Variants in MYH2 observed in about 807,000 individuals in gnomAD.
MYH2 encodes myosin-2.
A neutral mutation model predicts 228.1 loss-of-function variants in MYH2; 139 were observed. The ratio of observed to expected loss-of-function variants is 0.61; its 90% confidence interval spans 0.53 to 0.70. The LOEUF (loss-of-function observed/expected upper bound fraction) is 0.70. MYH2 is among the 30% of genes least tolerant of loss of function. The pLI is 0.00. For synonymous variants in MYH2, 796 were observed against 871.1 expected (o/e 0.91, Z 1.52); for missense variants, 1,809 against 2,357.5 (o/e 0.77, Z 4.82).
chr17:10,523,729 A>C, intron 36 of MYH2, 30 bp downstream of exon 36: 1 of 1,614,234 alleles, frequency 6.2e-7, no homozygotes, highest in Non-Finnish European at 8.5e-7. Context: ...CTTACTGCTA[A>C]ATCAGTGGAC....
At chr17:10,527,225 C>A (rs554354850) in intron 28 of MYH2, among the ~76,000 whole-genome samples, 169 bp from the exon 29 acceptor site, 3 of 152,212 alleles carry the variant, frequency 2.0e-5, no homozygotes, top group Admixed American at 6.5e-5. Flanking sequence ...TATGGTGAAA[C>A]TTTCAGATCA....
chr17:10,525,670 G>C lies in MYH2; in HGVS notation c.4371+23C>G. Reference sequence around the variant, plus strand: ...CAAAGACAAAAGAGTAGAGTAAAGAGCAGAAGATGCTGGAGGAATTACCTT... The same window carrying C: ...CAAAGACAAAAGAGTAGAGTAAAGACCAGAAGATGCTGGAGGAATTACCTT... On this transcript the variant is annotated intron_variant, in intron 31 of 39. Coordinates refer to ENST00000245503, the MANE Select transcript of MYH2 (RefSeq NM_017534.6). This position sits in a 1 kb window ranked among gnomAD's most constrained non-coding sequence, Gnocchi z 4.2. 1 of 1,614,186 alleles carries C rather than the reference G, an allele frequency of 6.2e-7. No homozygotes were observed. The highest frequency in any genetic ancestry group is 8.5e-7 in the Non-Finnish European group (1 of 1,180,044).
chr17:10,541,251 G>A (rs2073550133), intron 10 of MYH2, among the ~76,000 whole-genome samples: 1 of 152,200 alleles, frequency 6.6e-6, no homozygotes, highest in South Asian at 2.1e-4. Context: ...TCTTTCAAAA[G>A]CAAATAGAAG....
chr17:10,547,558 C>T lies in MYH2; in HGVS notation c.265G>A (p.Glu89Lys), dbSNP rs759350345. Residue 89 changes from glutamate to lysine, a missense_variant, in exon 4 of 40, where the codon GAG (glutamate) becomes AAG (lysine). Glu to Lys is a moderately conservative substitution (Grantham distance 56, BLOSUM62 1). Around this residue, in one of 9 missense-constraint regions of MYH2, gnomAD observed 373 missense variants for 620.4 expected, o/e 0.60. Coordinates refer to ENST00000245503, the MANE Select transcript of MYH2 (RefSeq NM_017534.6). Reference protein sequence around the residue: ...PMNPPKYDKIEDMAMMTHLHE... With the variant: ...PMNPPKYDKIKDMAMMTHLHE... ...AGATGAGTCATCATGGCCATATCCTCGATCTTGTCATATTTGGGAGGGTTC... is the reference window on the plus strand; with the variant it reads ...AGATGAGTCATCATGGCCATATCCTTGATCTTGTCATATTTGGGAGGGTTC... 44 of 1,613,990 alleles carry T rather than the reference C, an allele frequency of 2.7e-5. No individual in the cohort carries two copies. Among genetic ancestry groups the T allele is most frequent in the African/African-American group, 5.3e-5 (4 of 74,898 alleles).
In MYH2 at chr17:10,527,877, A is replaced by T; in HGVS notation, c.3745-3T>A. ...CGGCACATTTTCTCTAGGTTTCCCTATAGAAGAAAAAGTAAAAGAAGAAAA... is the reference window on the plus strand; with the variant it reads ...CGGCACATTTTCTCTAGGTTTCCCTTTAGAAGAAAAAGTAAAAGAAGAAAA... On this transcript the variant is annotated splice_region_variant and splice_polypyrimidine_tract_variant and intron_variant, in intron 27 of 39. Transcript: ENST00000245503. 1 of 1,612,814 alleles carries T rather than the reference A, an allele frequency of 6.2e-7. No homozygotes were observed. Among genetic ancestry groups the T allele is most frequent in the Non-Finnish European group, 8.5e-7 (1 of 1,179,972 alleles).
Position 10,524,403 on chromosome 17 carries a change from C to A in MYH2, c.5175+63G>T. 1 of 1,606,318 alleles carries A rather than the reference C, an allele frequency of 6.2e-7. No homozygotes were observed. The highest frequency in any genetic ancestry group is 8.5e-7 in the Non-Finnish European group (1 of 1,173,042). On this transcript the variant is annotated intron_variant, in intron 35 of 39. Transcript: ENST00000245503. The surrounding 1 kb of genome is among the most constrained non-coding windows in gnomAD (Gnocchi z 4.7). Reference sequence around the variant, plus strand: ...TAGGTCTAGCTGTCTTATGAAAACTCAGGCTTATCTATTCTGGGACATATA... The same window carrying A: ...TAGGTCTAGCTGTCTTATGAAAACTAAGGCTTATCTATTCTGGGACATATA...
intron 19 of MYH2, 98 bp from the exon 20 acceptor site, chr17:10,533,730 A>G: frequency 6.8e-7 from 1 of 1,468,326 alleles, no homozygotes; most frequent in East Asian, 2.3e-5. Flanking sequence ...AGCTTTAAAA[A>G]AATATTATTC....
At position 10,533,621 on chromosome 17, in the gene MYH2, A is replaced by G. The variant is rs1258863385; in HGVS notation, c.2192T>C (p.Leu731Ser). The G allele has an allele frequency of 6.2e-7, 1 of 1,614,130 alleles. No individual in the cohort carries two copies. The highest frequency in any genetic ancestry group is 1.7e-5 in the Admixed American group (1 of 60,028). ...CCCTTCAGGGATTGCACTTGCATTT[A>G]ATACCTTGTATCTGTTGAAGTACAT... ...YADFKQRYKV[L>S]NASAIPEGQF... Residue 731 changes from leucine (L) to serine (S), a missense_variant, in exon 20 of 40, where the codon TTA becomes TCA. Physicochemically the swap from Leu to Ser is moderately radical, Grantham distance 145. This residue lies in a region of MYH2 where 276 missense variants were observed against 344.2 expected (regional missense o/e 0.80). Coordinates refer to ENST00000245503, the MANE Select transcript of MYH2 (RefSeq NM_017534.6).
chr17:10,533,749 C>T, intron 19 of MYH2, 117 bp from the exon 20 acceptor site: 1 of 1,364,692 alleles, frequency 7.3e-7, no homozygotes, highest in South Asian at 1.3e-5. Flanking sequence ...TCTTTGTTCA[C>T]AAGGAGAACA....
At position 10,523,644 on chromosome 17, in the gene MYH2, A is replaced by G; in HGVS notation, c.5324T>C (p.Leu1775Pro). Residue 1775 changes from leucine to proline, a missense_variant, in exon 37 of 40, where the codon CTG becomes CCG. By Grantham distance (98) the Leu-to-Pro change is moderately conservative. Around this residue, in one of 9 missense-constraint regions of MYH2, gnomAD observed 278 missense variants for 308.5 expected, o/e 0.90. Transcript: ENST00000245503. ...ITDAAMMAEE[L>P]KKEQDTSAHL... ...GGCGCTGGTGTCCTGCTCCTTCTTC[A>G]GCTCCTCAGCCATCATGGCGGCCTA... 1 of 1,614,198 alleles carries G rather than the reference A, an allele frequency of 6.2e-7. No homozygotes were observed. The highest frequency in any genetic ancestry group is 8.5e-7 in the Non-Finnish European group (1 of 1,180,034).
chr17:10,533,281 A>G lies in MYH2; in HGVS notation c.2441+4T>C. 6 of 1,614,100 alleles carry G rather than the reference A, an allele frequency of 3.7e-6. No individual in the cohort carries two copies. Among genetic ancestry groups the G allele is most frequent in the Non-Finnish European group, 5.1e-6 (6 of 1,180,016 alleles). On this transcript the variant is annotated splice_donor_region_variant and intron_variant, in intron 21 of 39. Transcript: ENST00000245503. The stretch of plus-strand genomic sequence containing the variant: ...GAATATGTGAATAAACATATTTTTT[A>G]TACCTTCTCTCCACCATCCTCTGGT...
chr17:10,528,759 C>T lies in MYH2; in HGVS notation c.3675G>A (p.Lys1225=). Residue 1225 remains lysine, a synonymous_variant, in exon 27 of 40, where the codon AAG becomes AAA. Coordinates refer to ENST00000245503, the MANE Select transcript of MYH2 (RefSeq NM_017534.6). The part of the protein sequence containing the change: ...NLQRVKQKLE[K]EKSEMKMEID... ...TCTCCATCTTCATCTCACTCTTCTC[C>T]TTCTCCAGCTTCTGCTTCACTCGCT... 6.2e-7 allele frequency: 1 copy of T among 1,614,100 alleles called. No individual in the cohort carries two copies. Among genetic ancestry groups the T allele is most frequent in the Non-Finnish European group, 8.5e-7 (1 of 1,179,972 alleles).
chr17:10,539,788 G>T, intron 12 of MYH2, 140 bp downstream of exon 12: 1 of 1,309,458 alleles, frequency 7.6e-7, no homozygotes. Context: ...GTTTCCCATT[G>T]CACATTATTT....
Position 10,529,350 on chromosome 17 carries a change from A to T in MYH2, c.3249T>A (p.Asp1083Glu). The T allele has an allele frequency of 6.2e-7, 1 of 1,613,898 alleles. No homozygotes were observed. The highest frequency in any genetic ancestry group is 8.5e-7 in the Non-Finnish European group (1 of 1,180,008). The change falls in exon 25 of 40, where the codon GAT (aspartate) becomes GAA (glutamate). Residue 1083 changes from aspartate (D) to glutamate (E), a missense_variant. Transcript: ENST00000245503. ...MDIENEKQQL[D>E]EKLKKKEFEI... ...TTCTTACTTACTTTTTGAGCTTTTCATCAAGTTGCTGTTTCTCATTTTCAA... is the reference window on the plus strand; with the variant it reads ...TTCTTACTTACTTTTTGAGCTTTTCTTCAAGTTGCTGTTTCTCATTTTCAA...
rs2142307936 is a variant in MYH2 at position 10,535,146 on chromosome 17, C to T, written c.2107G>A (p.Gly703Ser). The T allele has an allele frequency of 6.2e-7, 1 of 1,614,106 alleles. No homozygotes were observed. Among genetic ancestry groups the T allele is most frequent in the Non-Finnish European group, 8.5e-7 (1 of 1,180,018 alleles). ...ELVLHQLRCN[G>S]VLEGIRICRK... ...CAGATGCGGATGCCTTCCAGCACACCGTTACACCTCAGCTGGTGGAGGACA... is the reference window on the plus strand; with the variant it reads ...CAGATGCGGATGCCTTCCAGCACACTGTTACACCTCAGCTGGTGGAGGACA... Residue 703 changes from glycine (G) to serine (S), a missense_variant, in exon 19 of 40, where the codon GGT becomes AGT. Around this residue, in one of 9 missense-constraint regions of MYH2, gnomAD observed 276 missense variants for 344.2 expected, o/e 0.80. Transcript: ENST00000245503.
chr17:10,523,041 TA>T (rs2073303099), intron 39 of MYH2, 48 bp downstream of exon 39: 7 of 1,312,404 alleles, frequency 5.3e-6, no homozygotes, highest in Non-Finnish European at 7.7e-6. Flanking sequence ...CAAGAAGTAG[TA>T]ATTATTTATT....
chr17:10,547,682 A>G lies in MYH2; in HGVS notation c.204+35T>C, dbSNP rs191584622. 2.9e-5 allele frequency: 47 copies of G among 1,614,146 alleles called. No individual in the cohort carries two copies. The Admixed American group carries it at 4.3e-4, about 15-fold the overall frequency. On this transcript the variant is annotated intron_variant, in intron 3 of 39. Transcript: ENST00000245503. ...TGACCAAACAACAACAACAAAAATC[A>G]ATAAAATGTGGCAAGCTCCTGGGAT... is the stretch of plus-strand genomic sequence containing the variant.
At chr17:10,533,188 C>A in intron 21 of MYH2, 97 bp downstream of exon 21, 2 of 1,544,756 alleles carry the variant, frequency 1.3e-6, no homozygotes, top group Non-Finnish European at 1.8e-6. Context: ...TTATTCATTT[C>A]TTCTTTAGTG....
chr17:10,521,457 G>A, intron 39 of MYH2, 25 bp from the exon 40 acceptor site: 1 of 1,612,776 alleles, frequency 6.2e-7, no homozygotes, highest in Non-Finnish European at 8.5e-7. Flanking sequence ...GGAATTGTAA[G>A]GAACTCATAC....
Sources: allele counts gnomAD v4.1 joint callset (sites outside exome capture counted in the v4.1 genomes callset), GRCh38; gene constraint gnomAD v4.1.1; regional missense constraint gnomAD v4.1.1; non-coding constraint Gnocchi (gnomAD v3.1); transcripts MANE v1.5; gene names NCBI Gene and HGNC (gene_info 2026-07-23, HGNC 2026-07-21).